The following CACNB2 variants were observed in gnomAD, a reference collection of about 807,000 sequenced individuals.
CACNB2 encodes the protein voltage-dependent L-type calcium channel subunit beta-2.
CACNB2 carries 42 observed loss-of-function variants against 73.3 expected under a neutral mutation model. The observed-to-expected ratio is 0.57, with a 90% confidence interval of 0.45 to 0.74. The LOEUF (loss-of-function observed/expected upper bound fraction) is 0.74. Ranked by LOEUF, CACNB2 falls within the 30% of genes least tolerant of loss-of-function variation. The pLI is 0.00. For missense variants in CACNB2, 940 were observed against 853.0 expected, an observed-to-expected ratio of 1.10 and a Z score of -1.27; for synonymous variants, 348 against 310.3, an observed-to-expected ratio of 1.12 and a Z score of -1.28.
At chr10:18,534,288 C>G (rs951166206) in intron 11 of CACNB2, 61 bp downstream of exon 11, 14 of 1,392,424 alleles carry the variant, frequency 1.0e-5, no homozygotes, top group South Asian at 2.3e-5. Context: ...ATTTTATGTT[C>G]TGCTTTCTAT....
At chr10:18,278,418 C>A (rs886808355) in intron 2 of CACNB2, among the ~76,000 whole-genome samples, 1 of 151,878 alleles carries the variant, frequency 6.6e-6, no homozygotes, top group African/African-American at 2.4e-5. Context: ...CTTCTGGCGA[C>A]GTAGGCAATT....
At chr10:18,197,384 C>T (rs189070054) in intron 2 of CACNB2, among the ~76,000 whole-genome samples, 215 of 152,304 alleles carry the variant, frequency 1.4e-3, no homozygotes, top group African/African-American at 4.9e-3. Flanking sequence ...TACAACTCAA[C>T]CTGGCTTAAG....
chr10:18,173,924 G>A (rs573484786), intron 2 of CACNB2, among the ~76,000 whole-genome samples: 7 of 152,134 alleles, frequency 4.6e-5, no homozygotes, highest in Non-Finnish European at 1.0e-4. Context: ...CAGGGAAACT[G>A]GTGGTAAAAT....
At chr10:18,278,338 G>A (rs943876055) in intron 2 of CACNB2, among the ~76,000 whole-genome samples, 1 of 152,008 alleles carries the variant, frequency 6.6e-6, no homozygotes, top group African/African-American at 2.4e-5. Context: ...TTAATGTGGT[G>A]AGTAATAAGG....
chr10:18,533,585 C>T (rs149919431), intron 10 of CACNB2, among the ~76,000 whole-genome samples: 135 of 152,266 alleles, frequency 8.9e-4, no homozygotes, highest in African/African-American at 3.0e-3. Context: ...GTGCCATTCA[C>T]GTCTTTGCTG....
rs2054016255 is a variant in CACNB2, at chr10:18,540,552, T to A, written c.*828T>A. 1 of 152,540 alleles carries A rather than the reference T, an allele frequency of 6.6e-6. No individual in the cohort carries two copies. Among genetic ancestry groups the A allele is most frequent in the Non-Finnish European group, 1.5e-5 (1 of 68,028 alleles). The allele number at this position is 152,540 out of a possible 1,614,324, so 9.4% of individuals were successfully genotyped here. On this transcript the variant is annotated 3_prime_UTR_variant, in exon 14 of 14. Transcript: ENST00000324631. ...GGTTTGAATTCTGAATGTTATACCA[T>A]CCTTGTAAGTAAGTTTGTAATTTCC...
At chr10:18,172,828 A>G (rs1463889697) in intron 2 of CACNB2, among the ~76,000 whole-genome samples, 1 of 151,268 alleles carries the variant, frequency 6.6e-6, no homozygotes, top group Non-Finnish European at 1.5e-5. Context: ...CTGAATTCTT[A>G]TCCACGCTCC....
intron 2 of CACNB2, among the ~76,000 whole-genome samples, chr10:18,193,224 A>G (rs897309738): frequency 6.6e-6 from 1 of 151,356 alleles, no homozygotes; most frequent in African/African-American, 2.4e-5. Flanking sequence ...AATATATAAT[A>G]AATTATATAA....
At chr10:18,197,877 A>G (rs912116200) in intron 2 of CACNB2, among the ~76,000 whole-genome samples, 2 of 150,038 alleles carry the variant, frequency 1.3e-5, no homozygotes, top group Non-Finnish European at 3.0e-5. Flanking sequence ...CTTTGCATAT[A>G]TTAACATGTT....
chr10:18,374,752 C>T (rs781642277), intron 2 of CACNB2, among the ~76,000 whole-genome samples: 10 of 152,090 alleles, frequency 6.6e-5, no homozygotes, highest in Non-Finnish European at 1.5e-4. Flanking sequence ...GCACTAAATG[C>T]CACTTTCCTT....
intron 2 of CACNB2, among the ~76,000 whole-genome samples, chr10:18,192,632 A>G (rs80064020): frequency 0.031 from 4,785 of 152,106 alleles, 168 homozygotes; most frequent in African/African-American, 0.093. Context: ...CCATTAAGCA[A>G]TTTCTTCCTA....
intron 2 of CACNB2, chr10:18,257,248 C>T (rs1450160583): frequency 6.6e-6 from 1 of 152,218 alleles, no homozygotes; most frequent in Non-Finnish European, 1.5e-5. Context: ...AGAATCTAGT[C>T]CCGTGGCCAT....
At chr10:18,482,451 A>G (rs1167291504) in intron 3 of CACNB2, among the ~76,000 whole-genome samples, 3 of 152,098 alleles carry the variant, frequency 2.0e-5, no homozygotes, top group Non-Finnish European at 4.4e-5. Context: ...AAGTTATAAT[A>G]TCTCCTGGCT....
In CACNB2 at chr10:18,335,129, TA is replaced by T. The variant is rs569772641; in HGVS notation, c.214-66781del. Among the ~76,000 whole-genome samples, 962 of 143,792 alleles carry T rather than the reference TA, an allele frequency of 6.7e-3. 4 individuals are homozygous for T. Among genetic ancestry groups the T allele is most frequent in the African/African-American group, 0.011 (427 of 39,238 alleles). 94.3% of individuals were successfully genotyped at this position (143,792 alleles called of 152,430 possible). ...GAAAATTTGTCAGAAGTATGAAAAG[TA>T]AAAAAAAAAAAAATACCGTTGGATA... On this transcript the variant is annotated intron_variant, in intron 2 of 13. Transcript: ENST00000324631.
chr10:18,407,841 T>G (rs530220558), intron 3 of CACNB2, among the ~76,000 whole-genome samples: 1 of 152,228 alleles, frequency 6.6e-6, no homozygotes, highest in South Asian at 2.1e-4. Flanking sequence ...TTTTATTCCA[T>G]AGCCATAATA....
At chr10:18,205,561 A>G (rs974200068) in intron 2 of CACNB2, among the ~76,000 whole-genome samples, 1 of 152,096 alleles carries the variant, frequency 6.6e-6, no homozygotes, top group African/African-American at 2.4e-5. Flanking sequence ...TATTTGGTGT[A>G]TTGTTTAATG....
intron 2 of CACNB2, among the ~76,000 whole-genome samples, chr10:18,165,889 C>T (rs555380295): frequency 6.6e-6 from 1 of 152,276 alleles, no homozygotes; most frequent in East Asian, 1.9e-4. Flanking sequence ...GTTAGATTGA[C>T]CATAGATGTT....
intron 2 of CACNB2, among the ~76,000 whole-genome samples, chr10:18,370,317 A>G (rs1393340888): frequency 6.6e-6 from 1 of 151,938 alleles, no homozygotes; most frequent in Non-Finnish European, 1.5e-5. Context: ...TTTTTGAGGT[A>G]GAGTCTTGCT....
intron 2 of CACNB2, among the ~76,000 whole-genome samples, chr10:18,377,269 G>A (rs962799211): frequency 2.2e-4 from 34 of 152,132 alleles, no homozygotes; most frequent in East Asian, 5.8e-4. Context: ...CCTCCATTAC[G>A]TTTATAGAAA....
Sources: gnomAD v4.1 joint callset for allele counts (sites outside exome capture counted in the v4.1 genomes callset) on GRCh38, gnomAD v4.1.1 for gene constraint, MANE v1.5 for transcripts, NCBI Gene and HGNC (gene_info 2026-07-23, HGNC 2026-07-21) for gene names.